TBCE: variants seen among roughly 807,000 people sequenced by gnomAD.
TBCE encodes the protein tubulin folding cofactor E, also known as tubulin-specific chaperone E.
TBCE carries 53 observed loss-of-function variants against 77.0 expected under a neutral mutation model. The ratio of observed to expected loss-of-function variants is 0.69; its 90% CI spans 0.55 to 0.87. The LOEUF is 0.87. Among genes scored for constraint, TBCE ranks in the 40% least tolerant of loss-of-function variants. The pLI is 0.00. For synonymous variants in TBCE, 235 were observed against 241.3 expected, an observed-to-expected ratio of 0.97 and a Z score of 0.24; for missense variants, 624 against 622.4, an observed-to-expected ratio of 1.00 and a Z score of -0.03.
At chr1:235,370,497 C>A (rs1411703859) in intron 1 of TBCE, among the ~76,000 whole-genome samples, 1 of 150,806 alleles carries the variant, frequency 6.6e-6, no homozygotes. Flanking sequence ...GTGATTCACC[C>A]GCCTCAGCCT....
rs1029273806 is a variant in TBCE at position 235,452,308 on chromosome 1, T to C, written c.*3546T>C. The C allele has an allele frequency of 6.6e-6, 1 of 152,184 alleles. No homozygotes were observed. The highest frequency in any genetic ancestry group is 2.4e-5 in the African/African-American group (1 of 41,448). The allele number at this position is 152,184 out of a possible 1,614,324, so 9.4% of individuals were successfully genotyped here. A position where few individuals can be genotyped will look rare whatever the true frequency, so the allele number is the denominator to read the frequency against. On this transcript the variant is annotated 3_prime_UTR_variant, in exon 17 of 17. Coordinates refer to ENST00000642610, the MANE Select transcript of TBCE (RefSeq NM_003193.5). ...TTTTAAAGCTGCAAATAATTTCTGA[T>C]CAAATCTATGGAAACTGAGTTTTTT...
chr1:235,381,284 A>G (rs1296106556), intron 2 of TBCE, among the ~76,000 whole-genome samples: 1 of 152,164 alleles, frequency 6.6e-6, no homozygotes, highest in African/African-American at 2.4e-5. Flanking sequence ...AAACAAACTT[A>G]AAAACAACTA....
intron 3 of TBCE, among the ~76,000 whole-genome samples, chr1:235,406,522 G>C (rs1164497034): frequency 1.3e-5 from 2 of 152,138 alleles, no homozygotes; most frequent in African/African-American, 4.8e-5. Flanking sequence ...AGAACAAAGA[G>C]AAACGTGGAT....
intron 1 of TBCE, among the ~76,000 whole-genome samples, chr1:235,378,511 A>C (rs533345370): frequency 7.9e-5 from 12 of 152,322 alleles, no homozygotes; most frequent in Admixed American, 7.2e-4. Flanking sequence ...GGCATGAGCA[A>C]CCGTGCCCAG....
chr1:235,412,035 G>A (rs1166450820), intron 3 of TBCE, among the ~76,000 whole-genome samples: 2 of 143,140 alleles, frequency 1.4e-5, no homozygotes, highest in Non-Finnish European at 3.0e-5. Context: ...CCTGGTTTTA[G>A]CATTGGACAT....
At chr1:235,409,317 G>A (rs1679640803) in intron 3 of TBCE, among the ~76,000 whole-genome samples, 1 of 152,068 alleles carries the variant, frequency 6.6e-6, no homozygotes, top group South Asian at 2.1e-4. Context: ...ACCCCTCCCT[G>A]TATTCTCCTC....
intron 6 of TBCE, chr1:235,428,987 T>TATATATATATA (rs1558383372): frequency 3.8e-5 from 3 of 78,152 alleles, no homozygotes; most frequent in African/African-American, 2.0e-4. Context: ...ATATATATAT[T>TATATATATATA]TTTTTTTTTT....
intron 1 of TBCE, among the ~76,000 whole-genome samples, chr1:235,370,757 T>TC (rs1036805369): frequency 1.3e-5 from 2 of 149,258 alleles, no homozygotes; most frequent in Non-Finnish European, 3.0e-5. Flanking sequence ...TTTTTTTTTT[T>TC]TTGAGATGGA....
intron 2 of TBCE, among the ~76,000 whole-genome samples, chr1:235,381,452 A>T (rs1677633031): frequency 6.6e-6 from 1 of 151,962 alleles, no homozygotes; most frequent in South Asian, 2.1e-4. Context: ...TGAGAGGCCA[A>T]GGCGGGCGGA....
Position 235,437,424 on chromosome 1 carries a change from C to A in TBCE, c.1066C>A (p.Leu356Ile). The stretch of plus-strand genomic sequence containing the variant: ...GGACAAAGAAGCAGAGACGGCGCGA[C>A]TACTCATTATCGCCAGCATTGGCCA... The part of the protein sequence containing the change: ...KEDKEAETAR[L>I]LIIASIGQLK... The change falls in exon 12 of 17, where the codon CTA (leucine) becomes ATA (isoleucine). Residue 356 changes from leucine (L) to isoleucine (I), a missense_variant. By Grantham distance (5) the Leu-to-Ile change is conservative. Coordinates refer to ENST00000642610, the MANE Select transcript of TBCE (RefSeq NM_003193.5). 1 of 1,614,150 alleles carries A rather than the reference C, an allele frequency of 6.2e-7. No individual in the cohort carries two copies. Among genetic ancestry groups the A allele is most frequent in the Non-Finnish European group, 8.5e-7 (1 of 1,180,028 alleles).
intron 2 of TBCE, among the ~76,000 whole-genome samples, chr1:235,400,930 C>T (rs1040511357): frequency 4.6e-5 from 7 of 151,152 alleles, no homozygotes; most frequent in Admixed American, 4.6e-4. Context: ...TCTCGAATTC[C>T]TGACCTCAGG....
intron 2 of TBCE, among the ~76,000 whole-genome samples, chr1:235,389,219 G>A (rs901146221): frequency 1.3e-5 from 2 of 152,154 alleles, no homozygotes; most frequent in Non-Finnish European, 2.9e-5. Context: ...TTATTAAATT[G>A]CCTGTGAATG....
At chr1:235,439,556 C>T (rs1302553500) in intron 13 of TBCE, among the ~76,000 whole-genome samples, 2 of 150,216 alleles carry the variant, frequency 1.3e-5, no homozygotes, top group East Asian at 4.2e-4. Context: ...GGAGTGATCT[C>T]AGCTCACTGT....
chr1:235,433,155 G>T, intron 7 of TBCE: 1 of 1,434,652 alleles, frequency 7.0e-7, no homozygotes, highest in South Asian at 1.5e-5. Context: ...CTATCTGCAG[G>T]ACTGTTTGCA....
chr1:235,434,396 G>A, intron 8 of TBCE, 116 bp downstream of exon 8: 1 of 920,904 alleles, frequency 1.1e-6, no homozygotes, highest in Admixed American at 1.9e-5. Context: ...CAAGAATTAG[G>A]AAAAATGCTT....
chr1:235,434,277 A>C lies in TBCE; in HGVS notation c.734A>C (p.Glu245Ala). The C allele has an allele frequency of 6.2e-7, 1 of 1,613,648 alleles. No individual in the cohort carries two copies. Among genetic ancestry groups the C allele is most frequent in the Non-Finnish European group, 8.5e-7 (1 of 1,179,596 alleles). ...GAGTCTAACAACATTTTCATTTCCG[A>C]AAGGTAACTAGCACTTACTTAAATG... ...YLESNNIFISERPTDVLQTVK... is the reference protein window; with the variant it reads ...YLESNNIFISARPTDVLQTVK... The change falls in exon 8 of 17, where the codon GAA (glutamate) becomes GCA (alanine). Residue 245 changes from glutamate (E) to alanine (A), a missense_variant. Physicochemically the swap from Glu to Ala is moderately radical, Grantham distance 107 (BLOSUM62 -1). Coordinates refer to ENST00000642610, the MANE Select transcript of TBCE (RefSeq NM_003193.5).
At chr1:235,375,133 G>T (rs1677217146) in intron 1 of TBCE, among the ~76,000 whole-genome samples, 1 of 151,410 alleles carries the variant, frequency 6.6e-6, no homozygotes, top group African/African-American at 2.4e-5. Context: ...TGTTAGCCAG[G>T]ATGGTCTCAA....
chr1:235,371,230 A>G (rs1342821559), intron 1 of TBCE, among the ~76,000 whole-genome samples: 5 of 147,868 alleles, frequency 3.4e-5, no homozygotes, highest in Non-Finnish European at 7.5e-5. Flanking sequence ...CTAATTTTGT[A>G]TTTTTAGTAG....
intron 2 of TBCE, among the ~76,000 whole-genome samples, chr1:235,397,989 A>T (rs1224025262): frequency 6.6e-6 from 1 of 152,176 alleles, no homozygotes; most frequent in Non-Finnish European, 1.5e-5. Context: ...TCACAGTTGA[A>T]TGCTGGCCTT....
Sources: gnomAD v4.1 joint callset for allele counts (sites outside exome capture counted in the v4.1 genomes callset) on GRCh38, gnomAD v4.1.1 for gene constraint, MANE v1.5 for transcripts, NCBI Gene and HGNC (gene_info 2026-07-23, HGNC 2026-07-21) for gene names.